Variants in DTL observed in about 807,000 individuals in gnomAD.
The protein encoded by DTL is denticleless protein homolog.
In DTL, 46 loss-of-function variants were observed where a neutral mutation model predicts 87.0. The observed-to-expected ratio is 0.53, with a 90% CI of 0.42 to 0.68. DTL has a LOEUF of 0.68. DTL is among the 30% of genes least tolerant of loss of function. DTL has a pLI of 0.00. For missense variants in DTL, 737 were observed against 869.4 expected (o/e 0.85, Z 1.91); for synonymous variants, 308 against 311.2 (o/e 0.99, Z 0.11).
At chr1:212,067,632 A>G (rs1654547164) in intron 8 of DTL, among the ~76,000 whole-genome samples, 1 of 152,166 alleles carries the variant, frequency 6.6e-6, no homozygotes, top group African/African-American at 2.4e-5. Flanking sequence ...GATTATCTAA[A>G]GGTTATTAGT....
chr1:212,094,548 T>G (rs958453587), intron 13 of DTL, among the ~76,000 whole-genome samples: 1 of 152,196 alleles, frequency 6.6e-6, no homozygotes, highest in Admixed American at 6.5e-5. Context: ...GCCTGCAGAT[T>G]TGTTCTTTTT....
At position 212,092,336 on chromosome 1, in the gene DTL, AC is replaced by A. The variant is rs1169060020; in HGVS notation, c.1262-7914del. The stretch of plus-strand genomic sequence containing the variant: ...GATCACCTGAGGTCAGGAATTCAAG[AC>A]CAGCCTGGCCAACATAGTAAAACCC... On this transcript the variant is annotated intron_variant, in intron 13 of 14. Coordinates refer to ENST00000366991, the MANE Select transcript of DTL (RefSeq NM_016448.4). Among the ~76,000 whole-genome samples the A allele has an allele frequency of 2.6e-5, 4 of 152,110 alleles. No individual in the cohort carries two copies. In the East Asian group the frequency reaches 7.7e-4, roughly 29 times the overall value.
intron 12 of DTL, 127 bp from the exon 13 acceptor site, chr1:212,080,488 T>C: frequency 1.2e-6 from 1 of 833,796 alleles, no homozygotes; most frequent in Admixed American, 2.5e-5. Context: ...TAAGATATTA[T>C]TTTCTATATC....
intron 13 of DTL, among the ~76,000 whole-genome samples, chr1:212,097,808 A>G (rs1655494288): frequency 6.6e-6 from 1 of 152,072 alleles, no homozygotes; most frequent in Admixed American, 6.6e-5. Flanking sequence ...GTTTTGTCAT[A>G]TTACCTGAAT....
chr1:212,071,945 A>G (rs1654685713), intron 10 of DTL, 156 bp from the exon 11 acceptor site: 2 of 535,034 alleles, frequency 3.7e-6, no homozygotes, highest in South Asian at 6.4e-5. Context: ...TTTTTCTGCC[A>G]ATGTCTAGTT....
At chr1:212,083,548 A>C (rs1655044428) in intron 13 of DTL, among the ~76,000 whole-genome samples, 2 of 152,164 alleles carry the variant, frequency 1.3e-5, no homozygotes, top group Admixed American at 1.3e-4. Context: ...AATTAAGATA[A>C]TGGAAGATTT....
intron 13 of DTL, among the ~76,000 whole-genome samples, chr1:212,090,170 C>T (rs1175918427): frequency 6.6e-6 from 1 of 152,082 alleles, no homozygotes; most frequent in Non-Finnish European, 1.5e-5. Context: ...CAGTAATTAT[C>T]CTTATTAAAA....
Position 212,038,411 on chromosome 1 carries a change from C to T in DTL, c.52+2469C>T, listed in dbSNP as rs370052807. ...ATACCCAAAACTGAACTCAGCTTTT[C>T]CCCCAAACCTGCAATATTACCAATT... On this transcript the variant is annotated intron_variant, in intron 1 of 14. Coordinates refer to ENST00000366991, the MANE Select transcript of DTL (RefSeq NM_016448.4). 3.2e-4 allele frequency among the ~76,000 whole-genome samples: 48 copies of T among 152,304 alleles called. 1 individual carries two copies. The highest frequency in any genetic ancestry group is 9.9e-4 in the African/African-American group (41 of 41,570).
chr1:212,056,054 C>T (rs1024486695), intron 5 of DTL, among the ~76,000 whole-genome samples: 1 of 152,192 alleles, frequency 6.6e-6, no homozygotes, highest in Non-Finnish European at 1.5e-5. Flanking sequence ...CACTTGGGTT[C>T]CAGGGGATTT....
intron 13 of DTL, among the ~76,000 whole-genome samples, chr1:212,093,402 C>T (rs1024595420): frequency 2.6e-5 from 4 of 152,218 alleles, no homozygotes; most frequent in Admixed American, 1.3e-4. Flanking sequence ...TTCTGTATCC[C>T]GGGGTTCTTG....
intron 5 of DTL, chr1:212,052,041 G>T: frequency 2.0e-6 from 2 of 977,756 alleles, no homozygotes; most frequent in Non-Finnish European, 3.2e-6. Flanking sequence ...GGTTCCGGCC[G>T]AAAAGAAGCT....
At position 212,067,109 on chromosome 1, in the gene DTL, G is replaced by A. The variant is rs535214539; in HGVS notation, c.713+224G>A. On this transcript the variant is annotated intron_variant, in intron 8 of 14. Transcript: ENST00000366991. ...ATACATGTGTCACGCTTAGCACATT[G>A]TCTAGCACATAAGAGCAGTGGTAGC... Among the ~76,000 whole-genome samples the A allele has an allele frequency of 7.6e-4, 116 of 152,360 alleles. 1 individual carries two copies. Among genetic ancestry groups the A allele is most frequent in the Admixed American group, 1.3e-3 (20 of 15,308 alleles).
At chr1:212,078,732 A>G (rs934672973) in intron 12 of DTL, among the ~76,000 whole-genome samples, 4 of 152,190 alleles carry the variant, frequency 2.6e-5, no homozygotes, top group Non-Finnish European at 4.4e-5. Context: ...AAACTATGTA[A>G]GTAGGTCTGA....
At chr1:212,078,990 G>A (rs928271618) in intron 12 of DTL, among the ~76,000 whole-genome samples, 2 of 151,922 alleles carry the variant, frequency 1.3e-5, no homozygotes, top group South Asian at 2.1e-4. Flanking sequence ...CCCCTTTCAC[G>A]TATGACGTTT....
At chr1:212,049,481 T>C (rs1383849473) in intron 5 of DTL, among the ~76,000 whole-genome samples, 2 of 152,246 alleles carry the variant, frequency 1.3e-5, no homozygotes, top group African/African-American at 4.8e-5. Flanking sequence ...GTCCTTTTGC[T>C]TAATTTTTAC....
intron 13 of DTL, among the ~76,000 whole-genome samples, chr1:212,090,578 C>G (rs910298687): frequency 6.6e-6 from 1 of 151,962 alleles, no homozygotes; most frequent in Non-Finnish European, 1.5e-5. Flanking sequence ...TGGTAGGGCC[C>G]GAGAGGGAAG....
intron 2 of DTL, among the ~76,000 whole-genome samples, chr1:212,043,792 T>C (rs1667727227): frequency 6.8e-6 from 1 of 147,884 alleles, no homozygotes; most frequent in Non-Finnish European, 1.5e-5. Context: ...ATCGTGCCAT[T>C]GCATTCTAGC....
At chr1:212,045,312 C>T (rs577416073) in intron 3 of DTL, among the ~76,000 whole-genome samples, 25 of 152,292 alleles carry the variant, frequency 1.6e-4, no homozygotes, top group Admixed American at 1.4e-3. Context: ...GAATGGTGGA[C>T]TGCCTATCTG....
Position 212,072,081 on chromosome 1 carries a change from T to G in DTL, c.923-20T>G, listed in dbSNP as rs1654690039. On this transcript the variant is annotated intron_variant, in intron 10 of 14. Coordinates refer to ENST00000366991, the MANE Select transcript of DTL (RefSeq NM_016448.4). ...TAGAAATAACAAGAGCCAAGTAATT[T>G]GGTTTTTTTCCTCTGGCAGTGGCTA... The G allele has an allele frequency of 6.4e-7, 1 of 1,566,092 alleles. No individual in the cohort carries two copies. Among genetic ancestry groups the G allele is most frequent in the South Asian group, 1.1e-5 (1 of 90,000 alleles).
Sources: allele counts gnomAD v4.1 joint callset (sites outside exome capture counted in the v4.1 genomes callset), GRCh38; gene constraint gnomAD v4.1.1; transcripts MANE v1.5; gene names NCBI Gene and HGNC (gene_info 2026-07-23, HGNC 2026-07-21).